The following USH2A variants were observed in gnomAD, a reference collection of about 807,000 sequenced individuals.
The protein encoded by USH2A is usherin.
In USH2A, 443 loss-of-function variants were observed where a neutral mutation model predicts 538.9. The ratio of observed to expected loss-of-function variants is 0.82; its 90% confidence interval spans 0.76 to 0.89. USH2A has a LOEUF of 0.89. Among genes scored for constraint, USH2A ranks in the 40% least tolerant of loss-of-function variants. The probability of loss-of-function intolerance (pLI) is 0.00; values close to 1 mark genes in which losing one functional copy is unlikely to be tolerated. For synonymous variants in USH2A, 2,413 were observed against 2,273.5 expected (o/e 1.06, Z -1.75); for missense variants, 6,633 against 6,324.8 (o/e 1.05, Z -1.65).
At position 215,647,769 on chromosome 1, in the gene USH2A, T is replaced by C. The variant is rs376014627; in HGVS notation, c.14583-39A>G. ...GGATACGTAGAGTCAAGACGGGTAA[T>C]GGAATTAGTTTAACTCTCTCTTTTA... On this transcript the variant is annotated intron_variant, in intron 66 of 71. Transcript: ENST00000307340. The C allele has an allele frequency of 6.2e-4, 990 of 1,606,308 alleles. 10 individuals carry two copies. In the South Asian group the frequency reaches 0.01, roughly 16 times the overall value.
chr1:216,089,219 T>C, intron 22 of USH2A, 80 bp from the exon 23 acceptor site: 1 of 1,458,060 alleles, frequency 6.9e-7, no homozygotes, highest in South Asian at 1.1e-5. Context: ...TATAAACCAA[T>C]TTACAAGTTT....
chr1:216,043,877 C>T (rs536925128), intron 32 of USH2A, among the ~76,000 whole-genome samples: 1 of 152,162 alleles, frequency 6.6e-6, no homozygotes, highest in Non-Finnish European at 1.5e-5. Flanking sequence ...TGGAAGGGGT[C>T]TTAGTTTCTC....
In USH2A at chr1:216,250,972, C is replaced by T. The variant is rs2036148437; in HGVS notation, c.2098G>A (p.Gly700Arg). 1 of 1,614,034 alleles carries T rather than the reference C, an allele frequency of 6.2e-7. No homozygotes were observed. The highest frequency in any genetic ancestry group is 2.2e-5 in the East Asian group (1 of 44,830). The change falls in exon 12 of 72, where the codon GGG (glycine) becomes AGG (arginine). Residue 700 changes from glycine (G) to arginine (R), a missense_variant. Physicochemically the swap from Gly to Arg is moderately radical, Grantham distance 125. Coordinates refer to ENST00000307340, the MANE Select transcript of USH2A (RefSeq NM_206933.4). ...CAGGTAATATCTCCATCCACTGTCC[C>T]AGAGGTATTGCAGTTACAGGGACTG... ...GCSPCNCNTSGTVDGDITCHQ... is the reference protein window; with the variant it reads ...GCSPCNCNTSRTVDGDITCHQ...
chr1:215,740,957 G>T (rs113068482), intron 60 of USH2A, among the ~76,000 whole-genome samples: 2 of 152,122 alleles, frequency 1.3e-5, no homozygotes, highest in African/African-American at 4.8e-5. Flanking sequence ...GTGAAGCTCC[G>T]GTGGTAATGC....
intron 61 of USH2A, among the ~76,000 whole-genome samples, chr1:215,722,871 T>G (rs988432605): frequency 9.8e-5 from 15 of 152,318 alleles, no homozygotes; most frequent in African/African-American, 3.6e-4. Flanking sequence ...CACCTTTTTC[T>G]TTAAAATCCC....
intron 38 of USH2A, among the ~76,000 whole-genome samples, chr1:215,926,775 T>C (rs1666248569): frequency 6.6e-6 from 1 of 151,792 alleles, no homozygotes; most frequent in South Asian, 2.1e-4. Flanking sequence ...CCCGGCTAAG[T>C]TTTTGTATTT....
chr1:216,044,223 C>T (rs775376427), intron 32 of USH2A, among the ~76,000 whole-genome samples: 55 of 152,170 alleles, frequency 3.6e-4, no homozygotes, highest in Middle Eastern at 6.8e-3. Flanking sequence ...ACGGGGCATA[C>T]CTGTGTCACA....
At position 215,728,025 on chromosome 1, in the gene USH2A, C is replaced by A. The variant is rs761874187; in HGVS notation, c.12066+5G>T. On this transcript the variant is annotated splice_donor_5th_base_variant and intron_variant, in intron 61 of 71. Transcript: ENST00000307340. ...CATGTCTGTTACTTTTCTAAAGGGT[C>A]TTACCTTCACTGTGAAAGCATGCAC... 4 of 1,613,690 alleles carry A rather than the reference C, an allele frequency of 2.5e-6. No homozygotes were observed. The highest frequency in any genetic ancestry group is 1.1e-5 in the South Asian group (1 of 91,076).
At chr1:215,783,052 C>A in intron 52 of USH2A, 117 bp from the exon 53 acceptor site, 1 of 879,122 alleles carries the variant, frequency 1.1e-6, no homozygotes, top group Non-Finnish European at 1.7e-6. Flanking sequence ...ATGCTCTAAA[C>A]GCTTTGTATA....
intron 44 of USH2A, among the ~76,000 whole-genome samples, chr1:215,860,962 C>T (rs1216590635): frequency 6.6e-6 from 1 of 152,184 alleles, no homozygotes; most frequent in Non-Finnish European, 1.5e-5. Flanking sequence ...GTGCAGGGCT[C>T]TGCGTCACCA....
At chr1:216,184,706 G>A (rs1460716237) in intron 20 of USH2A, among the ~76,000 whole-genome samples, 1 of 151,882 alleles carries the variant, frequency 6.6e-6, no homozygotes, top group Non-Finnish European at 1.5e-5. Flanking sequence ...ATATATACAA[G>A]ATTGTTGTAA....
intron 21 of USH2A, among the ~76,000 whole-genome samples, chr1:216,140,702 T>C (rs2033585584): frequency 6.6e-6 from 1 of 152,192 alleles, no homozygotes; most frequent in Admixed American, 6.5e-5. Flanking sequence ...GTCAGATCAA[T>C]CTACTGTCCA....
chr1:215,993,798 T>C (rs764062119), intron 34 of USH2A, among the ~76,000 whole-genome samples: 5 of 152,106 alleles, frequency 3.3e-5, no homozygotes, highest in Non-Finnish European at 7.4e-5. Flanking sequence ...TGTGTCAGAG[T>C]AGATAGGCTT....
intron 61 of USH2A, among the ~76,000 whole-genome samples, chr1:215,720,778 T>C (rs1040546687): frequency 1.3e-5 from 2 of 152,206 alleles, no homozygotes; most frequent in Non-Finnish European, 1.5e-5. Context: ...AGAGAGTGTA[T>C]TGCCTGCATC....
chr1:215,876,363 C>T (rs543996931), intron 43 of USH2A, among the ~76,000 whole-genome samples: 1 of 152,276 alleles, frequency 6.6e-6, no homozygotes, highest in South Asian at 2.1e-4. Flanking sequence ...GTTTTCCCAC[C>T]ACAACTTTTT....
chr1:215,662,369 G>A (rs561809574), intron 64 of USH2A, among the ~76,000 whole-genome samples: 4 of 152,320 alleles, frequency 2.6e-5, no homozygotes, highest in African/African-American at 9.6e-5. Context: ...ATATAAATCT[G>A]AGTTGCATCT....
chr1:215,681,034 CT>C, intron 61 of USH2A, among the ~76,000 whole-genome samples: 1 of 152,088 alleles, frequency 6.6e-6, no homozygotes, highest in African/African-American at 2.4e-5. Context: ...ATAAGTAAAA[CT>C]ATGAAACCTA....
intron 21 of USH2A, among the ~76,000 whole-genome samples, chr1:216,148,854 C>T: frequency 6.6e-6 from 1 of 151,710 alleles, no homozygotes; most frequent in Non-Finnish European, 1.5e-5. Context: ...TTCACTTTCA[C>T]TTGGACTGAC....
intron 32 of USH2A, among the ~76,000 whole-genome samples, chr1:216,009,666 C>T (rs879366268): frequency 7.2e-5 from 11 of 151,952 alleles, no homozygotes; most frequent in Admixed American, 3.3e-4. Flanking sequence ...CCCATCTGAC[C>T]TCTCCCCTCC....
Sources: allele counts gnomAD v4.1 joint callset (sites outside exome capture counted in the v4.1 genomes callset), GRCh38; gene constraint gnomAD v4.1.1; transcripts MANE v1.5; gene names NCBI Gene and HGNC (gene_info 2026-07-23, HGNC 2026-07-21).